Variants in ATP2C2 observed in about 807,000 individuals in gnomAD.
The protein encoded by ATP2C2 is ATPase secretory pathway Ca2+ transporting 2, also known as calcium-transporting ATPase type 2C member 2.
A neutral mutation model predicts 110.8 loss-of-function variants in ATP2C2; 171 were observed. The observed-to-expected ratio is 1.54, with a 90% CI of 1.36 to 1.75. ATP2C2 has a LOEUF of 1.75. ATP2C2 is among the 40% of genes most tolerant of loss of function. The pLI is 0.00. For missense variants in ATP2C2, 1,963 were observed against 1,235.0 expected (o/e 1.59, Z -8.84); for synonymous variants, 804 against 508.4 (o/e 1.58, Z -7.82).
In ATP2C2 at chr16:84,415,552, G is replaced by C. The variant is rs756309929; in HGVS notation, c.585G>C (p.Ser195=). 29 of 1,614,072 alleles carry C rather than the reference G, an allele frequency of 1.8e-5. No individual in the cohort carries two copies. Among genetic ancestry groups the C allele is most frequent in the South Asian group, 1.6e-4 (15 of 91,058 alleles). Residue 195 remains serine, a synonymous_variant, in exon 7 of 27, where the codon TCG becomes TCC. Transcript: ENST00000262429. ...TTCCTGGTGATGTCGTATCTCTCTC[G>C]ATCGGAGACCGGATCCCTGCAGACA... The part of the protein sequence containing the change: ...ELVPGDVVSL[S]IGDRIPADIR...
chr16:84,423,837 G>C (rs897072057), intron 10 of ATP2C2, among the ~76,000 whole-genome samples: 20 of 152,200 alleles, frequency 1.3e-4, no homozygotes, highest in Admixed American at 1.2e-3. Flanking sequence ...ATGCTTCTAA[G>C]CAGGCTGTTC....
intron 17 of ATP2C2, among the ~76,000 whole-genome samples, chr16:84,450,705 T>C (rs1910178918): frequency 6.6e-6 from 1 of 152,022 alleles, no homozygotes; most frequent in South Asian, 2.1e-4. Flanking sequence ...CCACCCCCTC[T>C]CAGATCACCC....
intron 11 of ATP2C2, among the ~76,000 whole-genome samples, chr16:84,436,510 G>A (rs796573978): frequency 2.6e-5 from 4 of 152,288 alleles, no homozygotes; most frequent in East Asian, 1.9e-4. Context: ...AGAGACAGTG[G>A]CCCCCTTCTC....
At chr16:84,447,088 T>C (rs1909820107) in intron 16 of ATP2C2, among the ~76,000 whole-genome samples, 1 of 152,214 alleles carries the variant, frequency 6.6e-6, no homozygotes, top group African/African-American at 2.4e-5. Context: ...TTTCAGATTT[T>C]CCTTAAAAGC....
chr16:84,388,940 T>C (rs1467664057), intron 1 of ATP2C2, among the ~76,000 whole-genome samples: 2 of 152,002 alleles, frequency 1.3e-5, no homozygotes, highest in Non-Finnish European at 2.9e-5. Flanking sequence ...CTCGGCTAAT[T>C]TTTGTATTTT....
intron 1 of ATP2C2, among the ~76,000 whole-genome samples, chr16:84,390,093 G>T (rs1289073489): frequency 1.3e-5 from 2 of 152,220 alleles, no homozygotes; most frequent in Non-Finnish European, 2.9e-5. Context: ...ACATTCCAGG[G>T]GAGGAAACTG....
At chr16:84,392,130 ACT>A (rs1904701805) in intron 1 of ATP2C2, among the ~76,000 whole-genome samples, 1 of 151,540 alleles carries the variant, frequency 6.6e-6, no homozygotes, top group South Asian at 2.1e-4. Flanking sequence ...AGCCCACATG[ACT>A]CTGTTACCCA....
intron 13 of ATP2C2, 57 bp from the exon 14 acceptor site, chr16:84,440,800 C>T (rs1040905635): frequency 2.2e-6 from 3 of 1,380,144 alleles, no homozygotes; most frequent in Non-Finnish European, 3.1e-6. Context: ...TGTGGGCCAA[C>T]TGGGGGAGCA....
At chr16:84,399,932 G>A (rs778747980) in intron 2 of ATP2C2, among the ~76,000 whole-genome samples, 2 of 152,084 alleles carry the variant, frequency 1.3e-5, no homozygotes, top group Admixed American at 6.6e-5. Context: ...TCCAGGCCCT[G>A]GTAACCATCC....
chr16:84,446,551 A>C, intron 16 of ATP2C2, 121 bp downstream of exon 16: 1 of 588,662 alleles, frequency 1.7e-6, no homozygotes, highest in South Asian at 3.6e-5. Flanking sequence ...TGACGTTCCA[A>C]ATACATGGAA....
Position 84,451,960 on chromosome 16 carries a change from C to G in ATP2C2, c.1700C>G (p.Thr567Arg). ...TCTGGGCCCGAGCTGGGGCGGCTGA[C>G]GTTTCTCGGTCTTGTGGGCATCATT... ...LASGPELGRL[T>R]FLGLVGIIDP... is the part of the protein sequence containing the mutation. The change falls in exon 18 of 27, where the codon ACG becomes AGG. Residue 567 changes from threonine (T) to arginine (R), a missense_variant. Thr to Arg is a moderately conservative substitution (Grantham distance 71, BLOSUM62 -1). Coordinates refer to ENST00000262429, the MANE Select transcript of ATP2C2 (RefSeq NM_014861.4). 1 of 1,614,022 alleles carries G rather than the reference C, an allele frequency of 6.2e-7. No homozygotes were observed. Among genetic ancestry groups the G allele is most frequent in the Non-Finnish European group, 8.5e-7 (1 of 1,180,012 alleles).
intron 7 of ATP2C2, among the ~76,000 whole-genome samples, chr16:84,421,277 G>A (rs772106105): frequency 5.3e-5 from 8 of 152,222 alleles, no homozygotes; most frequent in Admixed American, 1.3e-4. Context: ...CGGAGGCCTC[G>A]CCTCCCTGAC....
chr16:84,372,155 G>A (rs1162374922), intron 1 of ATP2C2, among the ~76,000 whole-genome samples: 1 of 152,152 alleles, frequency 6.6e-6, no homozygotes, highest in Non-Finnish European at 1.5e-5. Context: ...TTTATCCCTG[G>A]AGCAGTGGGG....
At chr16:84,402,632 G>A (rs1387210893) in intron 2 of ATP2C2, among the ~76,000 whole-genome samples, 4 of 152,044 alleles carry the variant, frequency 2.6e-5, no homozygotes, top group African/African-American at 9.7e-5. Context: ...TTGCACCCTT[G>A]GGATAAATTC....
intron 23 of ATP2C2, 61 bp downstream of exon 23, chr16:84,459,447 G>A (rs1422627014): frequency 1.2e-6 from 2 of 1,604,720 alleles, no homozygotes; most frequent in East Asian, 2.2e-5. Flanking sequence ...CTTCCTCCAG[G>A]GGCTGCTGGC....
Position 84,420,035 on chromosome 16 carries a change from G to A in ATP2C2, c.625-2355G>A, listed in dbSNP as rs74035994. On this transcript the variant is annotated intron_variant, in intron 7 of 26. Coordinates refer to ENST00000262429, the MANE Select transcript of ATP2C2 (RefSeq NM_014861.4). The stretch of plus-strand genomic sequence containing the variant: ...TGACCAAAAAGCCTGATAAGTTTTC[G>A]CTTTCAACTGCCATGGGGGCACCTA... Among the ~76,000 whole-genome samples, 962 of 152,188 alleles carry A rather than the reference G, an allele frequency of 6.3e-3. 14 individuals are homozygous for A. The highest frequency in any genetic ancestry group is 0.022 in the African/African-American group (920 of 41,502).
intron 23 of ATP2C2, 46 bp downstream of exon 23, chr16:84,459,432 C>G: frequency 6.2e-7 from 1 of 1,604,138 alleles, no homozygotes; most frequent in Non-Finnish European, 8.5e-7. Flanking sequence ...TACCCACCTG[C>G]GGGGCTTCCT....
At chr16:84,433,674 CA>C (rs1384670959) in intron 11 of ATP2C2, among the ~76,000 whole-genome samples, 2 of 128,080 alleles carry the variant, frequency 1.6e-5, no homozygotes, top group African/African-American at 6.3e-5. Context: ...AAACAAACAA[CA>C]ACAACAAAAC....
intron 1 of ATP2C2, among the ~76,000 whole-genome samples, chr16:84,370,636 G>GT (rs1243785066): frequency 1.3e-4 from 20 of 150,978 alleles, no homozygotes; most frequent in Non-Finnish European, 1.8e-4. Context: ...AGGAGGCGAT[G>GT]TGTGTTGAGG....
Sources: gnomAD v4.1 joint callset for allele counts (sites outside exome capture counted in the v4.1 genomes callset) on GRCh38, gnomAD v4.1.1 for gene constraint, MANE v1.5 for transcripts, NCBI Gene and HGNC (gene_info 2026-07-23, HGNC 2026-07-21) for gene names.